The following PBX3 variants were observed in gnomAD, a reference collection of about 807,000 sequenced individuals.
PBX3 encodes PBX homeobox 3.
In PBX3, 14 loss-of-function variants were observed where a neutral mutation model predicts 48.5. That is an observed-to-expected ratio of 0.29 (90% CI 0.19 to 0.45). PBX3 has a LOEUF of 0.45. Among genes scored for constraint, PBX3 ranks in the 20% least tolerant of loss-of-function variants. The pLI is 1.00. For missense variants in PBX3, 386 were observed against 546.7 expected (o/e 0.71, Z 2.93); for synonymous variants, 210 against 200.3 (o/e 1.05, Z -0.41).
chr9:125,934,192 C>T (rs1009730997), intron 4 of PBX3, among the ~76,000 whole-genome samples: 2 of 152,110 alleles, frequency 1.3e-5, no homozygotes, highest in African/African-American at 4.8e-5. Flanking sequence ...TTGTTTTGAT[C>T]AGACCTAGAT....
chr9:125,922,505 A>G (rs1352709878), intron 3 of PBX3, among the ~76,000 whole-genome samples: 1 of 152,222 alleles, frequency 6.6e-6, no homozygotes, highest in East Asian at 1.9e-4. Context: ...TATTTATATT[A>G]TGGACATTAA....
intron 2 of PBX3, among the ~76,000 whole-genome samples, chr9:125,828,678 T>C (rs775686849): frequency 4.6e-5 from 7 of 152,218 alleles, no homozygotes; most frequent in Admixed American, 2.0e-4. Context: ...AATTTACTTA[T>C]GATAGGAAGT....
intron 2 of PBX3, among the ~76,000 whole-genome samples, chr9:125,827,845 G>A (rs1838851745): frequency 1.3e-5 from 2 of 152,108 alleles, no homozygotes; most frequent in South Asian, 4.1e-4. Flanking sequence ...GAGTTGTTGG[G>A]TTTATAGAGT....
chr9:125,937,032 T>C (rs1841852146), intron 5 of PBX3, among the ~76,000 whole-genome samples: 1 of 152,206 alleles, frequency 6.6e-6, no homozygotes, highest in Non-Finnish European at 1.5e-5. Context: ...CACGCCTGGT[T>C]TTCCTGTTCT....
chr9:125,757,801 A>G (rs1836560522), intron 2 of PBX3, among the ~76,000 whole-genome samples: 1 of 152,220 alleles, frequency 6.6e-6, no homozygotes, highest in South Asian at 2.1e-4. Context: ...TTTCTCAGAA[A>G]TTATAGCACA....
chr9:125,841,440 G>A (rs547095610), intron 2 of PBX3, among the ~76,000 whole-genome samples: 10 of 152,174 alleles, frequency 6.6e-5, no homozygotes, highest in Admixed American at 3.9e-4. Flanking sequence ...TTTTTGTCTT[G>A]AACTTGTGAT....
chr9:125,921,438 G>A (rs1351080093), intron 3 of PBX3, among the ~76,000 whole-genome samples: 1 of 152,048 alleles, frequency 6.6e-6, no homozygotes, highest in African/African-American at 2.4e-5. Flanking sequence ...CATAAAAATA[G>A]TATGAATTTC....
rs570972881 is a variant in PBX3 at position 125,896,974 on chromosome 9, A to G, written c.275-18712A>G. ...CATCTATAATTGATTTCAAGAAATT[A>G]CATGTAATTTAATGTGATTTTAAAA... is the stretch of plus-strand genomic sequence containing the variant. On this transcript the variant is annotated intron_variant, in intron 2 of 8. Coordinates refer to ENST00000373489, the MANE Select transcript of PBX3 (RefSeq NM_006195.6). Among the ~76,000 whole-genome samples the G allele has an allele frequency of 4.6e-5, 7 of 152,138 alleles. No homozygotes were observed. In the South Asian group the frequency reaches 1.2e-3, roughly 27 times the overall value.
chr9:125,791,662 G>A (rs753168920), intron 2 of PBX3, among the ~76,000 whole-genome samples: 21 of 152,058 alleles, frequency 1.4e-4, no homozygotes, highest in Non-Finnish European at 2.5e-4. Flanking sequence ...TAGGCCGGGC[G>A]CGGTGGCTCA....
chr9:125,789,831 A>G (rs796547234), intron 2 of PBX3, among the ~76,000 whole-genome samples: 12 of 152,288 alleles, frequency 7.9e-5, no homozygotes, highest in African/African-American at 1.9e-4. Flanking sequence ...ATTCTAATGT[A>G]TACTTTCCTA....
chr9:125,776,789 C>T (rs10986904), intron 2 of PBX3, among the ~76,000 whole-genome samples: 3,031 of 152,118 alleles, frequency 0.02, 166 homozygotes, highest in East Asian at 0.17. Flanking sequence ...AGCAGTCTAC[C>T]TGTCTCAGCT....
At chr9:125,944,999 G>A (rs965865394) in intron 5 of PBX3, among the ~76,000 whole-genome samples, 1 of 152,114 alleles carries the variant, frequency 6.6e-6, no homozygotes, top group East Asian at 1.9e-4. Context: ...GAGGCGGGCG[G>A]ATTGCTTGAG....
intron 5 of PBX3, among the ~76,000 whole-genome samples, chr9:125,942,064 G>A (rs1440443223): frequency 6.6e-6 from 1 of 152,124 alleles, no homozygotes; most frequent in African/African-American, 2.4e-5. Flanking sequence ...TCTTAAAGAG[G>A]CAAATAAGAC....
At chr9:125,906,506 G>A (rs1002170899) in intron 2 of PBX3, among the ~76,000 whole-genome samples, 4 of 151,928 alleles carry the variant, frequency 2.6e-5, no homozygotes, top group African/African-American at 9.7e-5. Context: ...AAAGAAGATG[G>A]CTACAGGAAA....
At chr9:125,754,809 CTG>C (rs2131957014) in intron 2 of PBX3, among the ~76,000 whole-genome samples, 1 of 151,920 alleles carries the variant, frequency 6.6e-6, no homozygotes, top group East Asian at 1.9e-4. Flanking sequence ...ATGTATCAAA[CTG>C]AATTGGCGTA....
At chr9:125,960,950 G>C (rs111270350) in intron 6 of PBX3, 101 bp downstream of exon 6, 1 of 240,608 alleles carries the variant, frequency 4.2e-6, no homozygotes, top group Non-Finnish European at 6.2e-6. Context: ...AGGACAGAGT[G>C]GACTTAAAAA....
At chr9:125,835,986 C>T (rs1839122392) in intron 2 of PBX3, among the ~76,000 whole-genome samples, 1 of 152,058 alleles carries the variant, frequency 6.6e-6, no homozygotes, top group Admixed American at 6.6e-5. Flanking sequence ...AAATGTGATA[C>T]ATATATTAAT....
At chr9:125,907,236 A>T (rs1439442431) in intron 2 of PBX3, among the ~76,000 whole-genome samples, 1 of 152,064 alleles carries the variant, frequency 6.6e-6, no homozygotes, top group Non-Finnish European at 1.5e-5. Context: ...GTTGCAAAAT[A>T]ATGTCAACAC....
At chr9:125,749,455 G>A (rs1836305071) in intron 2 of PBX3, 1 of 152,154 alleles carries the variant, frequency 6.6e-6, no homozygotes, top group African/African-American at 2.4e-5. Flanking sequence ...AACTGAAGCA[G>A]AGATTTGGAT....
Sources: allele counts gnomAD v4.1 joint callset (sites outside exome capture counted in the v4.1 genomes callset), GRCh38; gene constraint gnomAD v4.1.1; transcripts MANE v1.5; gene names NCBI Gene and HGNC (gene_info 2026-07-23, HGNC 2026-07-21).